Variants in ZMAT4 observed in about 807,000 individuals in gnomAD.
ZMAT4 encodes zinc finger matrin-type protein 4.
Under a neutral mutation model 28.7 loss-of-function variants are expected in ZMAT4, and 17 were observed. The ratio of observed to expected loss-of-function variants is 0.59; its 90% CI spans 0.41 to 0.89. ZMAT4 has a LOEUF of 0.89. Ranked by LOEUF, ZMAT4 falls within the 40% of genes least tolerant of loss-of-function variation. ZMAT4 has a pLI of 0.00. For missense variants in ZMAT4, 240 were observed against 283.8 expected, an observed-to-expected ratio of 0.85 and a Z score of 1.11; for synonymous variants, 117 against 109.2, an observed-to-expected ratio of 1.07 and a Z score of -0.44.
At chr8:40,712,003 G>A (rs974985252) in intron 3 of ZMAT4, among the ~76,000 whole-genome samples, 12 of 152,122 alleles carry the variant, frequency 7.9e-5, no homozygotes, top group Non-Finnish European at 2.9e-5. Context: ...AGTTTAAAAT[G>A]TACCTGGTTA....
At chr8:40,537,671 A>C (rs1384620745) in intron 6 of ZMAT4, among the ~76,000 whole-genome samples, 8 of 152,206 alleles carry the variant, frequency 5.3e-5, no homozygotes, top group Admixed American at 5.2e-4. Context: ...TGTTTACACT[A>C]TTCATTTGCT....
At chr8:40,702,740 C>A (rs1810199524) in intron 3 of ZMAT4, among the ~76,000 whole-genome samples, 1 of 152,190 alleles carries the variant, frequency 6.6e-6, no homozygotes, top group African/African-American at 2.4e-5. Context: ...GGAGAAAACA[C>A]ACGAGTTAGC....
At chr8:40,575,844 A>G (rs1479334839) in intron 6 of ZMAT4, among the ~76,000 whole-genome samples, 3 of 152,120 alleles carry the variant, frequency 2.0e-5, no homozygotes, top group African/African-American at 4.8e-5. Context: ...CAGAAAAGGA[A>G]TTCAAAATAA....
chr8:40,869,048 C>G (rs1000017310), intron 1 of ZMAT4, among the ~76,000 whole-genome samples: 12 of 152,338 alleles, frequency 7.9e-5, no homozygotes, highest in African/African-American at 2.9e-4. Flanking sequence ...CCAACCTGAG[C>G]CCACTGGTTT....
intron 2 of ZMAT4, among the ~76,000 whole-genome samples, chr8:40,816,070 A>G (rs780183263): frequency 6.6e-6 from 1 of 152,164 alleles, no homozygotes; most frequent in African/African-American, 2.4e-5. Flanking sequence ...CAGAGACAAT[A>G]CTACGTGTTC....
intron 3 of ZMAT4, among the ~76,000 whole-genome samples, chr8:40,742,390 T>A (rs1812048485): frequency 2.0e-5 from 3 of 150,436 alleles, no homozygotes; most frequent in Non-Finnish European, 4.4e-5. Flanking sequence ...AATATATGTG[T>A]ATAAATATAT....
intron 5 of ZMAT4, among the ~76,000 whole-genome samples, chr8:40,646,483 A>G (rs1050494033): frequency 1.3e-5 from 2 of 152,110 alleles, no homozygotes; most frequent in African/African-American, 4.8e-5. Context: ...TGTCAATTTT[A>G]TTAATATTTA....
intron 2 of ZMAT4, among the ~76,000 whole-genome samples, chr8:40,768,612 C>T (rs1022649005): frequency 2.0e-5 from 3 of 152,122 alleles, no homozygotes; most frequent in Non-Finnish European, 4.4e-5. Flanking sequence ...TGATATTAGG[C>T]CAGTCTCTTA....
At chr8:40,557,999 C>A (rs2118451104) in intron 6 of ZMAT4, among the ~76,000 whole-genome samples, 1 of 152,190 alleles carries the variant, frequency 6.6e-6, no homozygotes, top group African/African-American at 2.4e-5. Context: ...CTTGGGTTGA[C>A]AAGAAGGGGC....
chr8:40,566,646 C>G (rs896505162), intron 6 of ZMAT4, among the ~76,000 whole-genome samples: 4 of 152,094 alleles, frequency 2.6e-5, no homozygotes, highest in Non-Finnish European at 5.9e-5. Flanking sequence ...ATGGAGGATA[C>G]TGAAAAATCT....
chr8:40,672,072 T>A (rs947033753), intron 5 of ZMAT4, among the ~76,000 whole-genome samples: 2 of 151,950 alleles, frequency 1.3e-5, no homozygotes, highest in African/African-American at 4.8e-5. Flanking sequence ...TAATAATCTA[T>A]AAAGTAAGTA....
At chr8:40,650,324 A>G (rs1176339113) in intron 5 of ZMAT4, among the ~76,000 whole-genome samples, 1 of 151,384 alleles carries the variant, frequency 6.6e-6, no homozygotes, top group East Asian at 2.0e-4. Flanking sequence ...TAGAAAATCT[A>G]GAAGAAATGG....
At chr8:40,763,140 C>G (rs1320519996) in intron 3 of ZMAT4, among the ~76,000 whole-genome samples, 1 of 152,164 alleles carries the variant, frequency 6.6e-6, no homozygotes, top group Non-Finnish European at 1.5e-5. Flanking sequence ...TATGGTAGCA[C>G]TTATCATGCT....
chr8:40,691,209 A>T lies in ZMAT4; in HGVS notation c.349+6036T>A, dbSNP rs571141214. On this transcript the variant is annotated intron_variant, in intron 4 of 6. Coordinates refer to ENST00000297737, the MANE Select transcript of ZMAT4 (RefSeq NM_024645.3). ...TTTAATATAAATGTTTGATTCATTAACTTTAAACTCACCACCAATGGCACT... is the reference window on the plus strand; with the variant it reads ...TTTAATATAAATGTTTGATTCATTATCTTTAAACTCACCACCAATGGCACT... Among the ~76,000 whole-genome samples, 7 of 152,290 alleles carry T rather than the reference A, an allele frequency of 4.6e-5. No homozygotes were observed. The South Asian group carries it at 1.4e-3, about 32-fold the overall frequency.
rs1443788132 is a variant in ZMAT4 at position 40,697,259 on chromosome 8, G to T, written c.335C>A (p.Pro112Gln). 3.7e-6 allele frequency: 6 copies of T among 1,610,492 alleles called. No individual in the cohort carries two copies. The highest frequency in any genetic ancestry group is 5.1e-6 in the Non-Finnish European group (6 of 1,178,396). The change falls in exon 4 of 7, where the codon CCA becomes CAA. Residue 112 changes from proline to glutamine, a missense_variant. By Grantham distance (76) the Pro-to-Gln change is moderately conservative. Coordinates refer to ENST00000297737, the MANE Select transcript of ZMAT4 (RefSeq NM_024645.3). Reference protein sequence around the residue: ...RLKLLLGEKTPLKTTATPLSP... With the variant: ...RLKLLLGEKTQLKTTATPLSP... ...CCTGCACGTACCTGTGGTCTTTAAT[G>T]GGGTCTTCTCTCCTAGCAAGAGTTT... is the stretch of plus-strand genomic sequence containing the variant.
At chr8:40,679,783 T>C (rs1471963353) in intron 4 of ZMAT4, among the ~76,000 whole-genome samples, 5 of 152,232 alleles carry the variant, frequency 3.3e-5, no homozygotes, top group Non-Finnish European at 7.3e-5. Context: ...TGTCTAATTG[T>C]CTAACATATT....
chr8:40,753,386 C>T (rs1812538694), intron 3 of ZMAT4, among the ~76,000 whole-genome samples: 1 of 152,184 alleles, frequency 6.6e-6, no homozygotes, highest in African/African-American at 2.4e-5. Context: ...CTTAGTTAAT[C>T]ACTAATCAAC....
At chr8:40,761,959 A>T (rs564244931) in intron 3 of ZMAT4, among the ~76,000 whole-genome samples, 15 of 152,224 alleles carry the variant, frequency 9.9e-5, no homozygotes, top group Non-Finnish European at 2.2e-4. Context: ...ACTCATGCGT[A>T]GCAGAACTGG....
Position 40,688,378 on chromosome 8 carries a change from C to T in ZMAT4, c.349+8867G>A, listed in dbSNP as rs377479071. 7.2e-5 allele frequency among the ~76,000 whole-genome samples: 11 copies of T among 152,208 alleles called. No individual in the cohort carries two copies. In the South Asian group the frequency reaches 1.2e-3, roughly 17 times the overall value. Reference sequence around the variant, plus strand: ...GGCTGAGGCAGGAGAATTGCTTGAACCCAGGAAGCAGAGGTTGCAGAGAAC... The same window carrying T: ...GGCTGAGGCAGGAGAATTGCTTGAATCCAGGAAGCAGAGGTTGCAGAGAAC... On this transcript the variant is annotated intron_variant, in intron 4 of 6. Transcript: ENST00000297737.
Sources: gnomAD v4.1 joint callset for allele counts (sites outside exome capture counted in the v4.1 genomes callset) on GRCh38, gnomAD v4.1.1 for gene constraint, MANE v1.5 for transcripts, NCBI Gene and HGNC (gene_info 2026-07-23, HGNC 2026-07-21) for gene names.